NPHP1: variants seen among roughly 807,000 people sequenced by gnomAD.
NPHP1 encodes the protein nephrocystin-1.
NPHP1 carries 70 observed loss-of-function variants against 90.4 expected under a neutral mutation model. That is an observed-to-expected ratio of 0.77 (90% CI 0.64 to 0.95). The LOEUF (loss-of-function observed/expected upper bound fraction) is 0.95, where lower values mean the gene tolerates loss of function less well. NPHP1 is among the 40% of genes least tolerant of loss of function. NPHP1 has a pLI of 0.00. For synonymous variants in NPHP1, 256 were observed against 271.7 expected (o/e 0.94, Z 0.57); for missense variants, 764 against 795.9 (o/e 0.96, Z 0.48).
At chr2:110,181,340 G>C (rs1683892669) in intron 2 of NPHP1, among the ~76,000 whole-genome samples, 1 of 152,120 alleles carries the variant, frequency 6.6e-6, no homozygotes, top group South Asian at 2.1e-4. Context: ...GACTGGGTGA[G>C]ACCTCCCAAA....
chr2:110,128,975 C>T, intron 18 of NPHP1: 1 of 599,274 alleles, frequency 1.7e-6, no homozygotes. Flanking sequence ...ACATAGCAGG[C>T]ACTCCACCTG....
At chr2:110,176,871 T>C (rs13416417) in intron 4 of NPHP1, among the ~76,000 whole-genome samples, 1 of 152,170 alleles carries the variant, frequency 6.6e-6, no homozygotes, top group African/African-American at 2.4e-5. Context: ...TCCCAGCAGG[T>C]ACTTTCTGCC....
At chr2:110,204,620 G>C (rs958090919) in intron 1 of NPHP1, among the ~76,000 whole-genome samples, 1 of 152,074 alleles carries the variant, frequency 6.6e-6, no homozygotes, top group African/African-American at 2.4e-5. Flanking sequence ...AGGTTGAGAC[G>C]TTAGGTGGGA....
Position 110,141,694 on chromosome 2 carries a change from C to T in NPHP1, c.1529+1848G>A, listed in dbSNP as rs192308538. Among the ~76,000 whole-genome samples the T allele has an allele frequency of 1.3e-3, 195 of 152,090 alleles. 1 individual carries two copies. The highest frequency in any genetic ancestry group is 3.5e-3 in the African/African-American group (144 of 41,522). Reference sequence around the variant, plus strand: ...CATTTTGAAAACAGTTTGGTAGGGCCGGATGCGGTGGCTCAAGCCTGTAAT... The same window carrying T: ...CATTTTGAAAACAGTTTGGTAGGGCTGGATGCGGTGGCTCAAGCCTGTAAT... On this transcript the variant is annotated intron_variant, in intron 16 of 19. Coordinates refer to ENST00000445609, the MANE Select transcript of NPHP1 (RefSeq NM_001128178.3).
chr2:110,172,682 C>T (rs562880232), intron 4 of NPHP1, among the ~76,000 whole-genome samples: 20 of 152,052 alleles, frequency 1.3e-4, no homozygotes, highest in Non-Finnish European at 2.6e-4. Context: ...CTCAGGGAGG[C>T]GGAGGTGGAG....
At chr2:110,170,125 A>G in intron 4 of NPHP1, 127 bp from the exon 5 acceptor site, 3 of 1,255,548 alleles carry the variant, frequency 2.4e-6, no homozygotes, top group Admixed American at 1.7e-5. Context: ...AAATAAGGGA[A>G]AATACAAAGA....
intron 2 of NPHP1, among the ~76,000 whole-genome samples, chr2:110,181,347 C>G (rs1247217584): frequency 6.6e-6 from 1 of 152,158 alleles, no homozygotes; most frequent in Non-Finnish European, 1.5e-5. Context: ...TGAGACCTCC[C>G]AAAAGGGGTT....
intron 7 of NPHP1, 136 bp from the exon 8 acceptor site, chr2:110,164,866 GC>G (rs1682607455): frequency 5.4e-6 from 5 of 930,772 alleles, no homozygotes; most frequent in Non-Finnish European, 8.7e-6. Context: ...ACGAGGTAGA[GC>G]TAAATGTATT....
At position 110,129,224 on chromosome 2, in the gene NPHP1, T is replaced by C. The variant is rs777183268; in HGVS notation, c.1678A>G (p.Met560Val). ...ATCACATCAGGCTGCTCCAAGAGCA[T>C]GGGGAAGGTGGCCAGCATGGGATGG... Reference protein sequence around the residue: ...ISHPMLATFPMLLEQPDVMDA... With the variant: ...ISHPMLATFPVLLEQPDVMDA... Residue 560 changes from methionine (M) to valine (V), a missense_variant, in exon 18 of 20, where the codon ATG (methionine) becomes GTG (valine). By Grantham distance (21) the Met-to-Val change is conservative. Transcript: ENST00000445609. The C allele has an allele frequency of 1.2e-6, 2 of 1,613,710 alleles. No individual in the cohort carries two copies. Among genetic ancestry groups the C allele is most frequent in the East Asian group, 2.2e-5 (1 of 44,882 alleles).
At chr2:110,139,204 TACAC>T (rs35627203) in intron 16 of NPHP1, among the ~76,000 whole-genome samples, 47,235 of 148,492 alleles carry the variant, frequency 0.32, 7,826 homozygotes, top group East Asian at 0.56. Context: ...ATAGCAAATT[TACAC>T]ACACACACAC....
intron 4 of NPHP1, among the ~76,000 whole-genome samples, chr2:110,172,945 C>CTTTTCT (rs1037063157): frequency 6.7e-6 from 1 of 148,242 alleles, no homozygotes; most frequent in Non-Finnish European, 1.5e-5. Flanking sequence ...GTAGTAATTT[C>CTTTTCT]TTTTCTTTTT....
intron 8 of NPHP1, 148 bp downstream of exon 8, chr2:110,164,540 C>T (rs753796140): frequency 1.3e-6 from 2 of 1,555,106 alleles, no homozygotes; most frequent in African/African-American, 2.7e-5. Context: ...GGCTTAGAAA[C>T]CAGAAATATA....
At chr2:110,141,137 A>C (rs1179885931) in intron 16 of NPHP1, among the ~76,000 whole-genome samples, 3 of 152,132 alleles carry the variant, frequency 2.0e-5, no homozygotes, top group Non-Finnish European at 4.4e-5. Context: ...GCATCTTCCC[A>C]ATCCTTCAAA....
intron 2 of NPHP1, among the ~76,000 whole-genome samples, chr2:110,183,694 A>G (rs1684074114): frequency 6.6e-6 from 1 of 152,136 alleles, no homozygotes; most frequent in Non-Finnish European, 1.5e-5. Context: ...GGACTCCCAT[A>G]CAATAATAGT....
chr2:110,204,861 G>A (rs767343103), intron 1 of NPHP1, 39 bp downstream of exon 1: 2 of 1,607,094 alleles, frequency 1.2e-6, no homozygotes, highest in South Asian at 2.2e-5. Context: ...GCGTCCGCCT[G>A]TCGCCCGCCC....
At chr2:110,152,366 A>C (rs1681540611) in intron 11 of NPHP1, among the ~76,000 whole-genome samples, 1 of 151,948 alleles carries the variant, frequency 6.6e-6, no homozygotes, top group Non-Finnish European at 1.5e-5. Flanking sequence ...TCCACATATG[A>C]AGCAATGAAG....
intron 8 of NPHP1, chr2:110,164,396 A>G (rs1281274850): frequency 5.7e-6 from 4 of 699,462 alleles, no homozygotes; most frequent in Non-Finnish European, 1.0e-5. Flanking sequence ...AAAATTTAAC[A>G]TCTGTTTCCA....
intron 2 of NPHP1, among the ~76,000 whole-genome samples, chr2:110,191,385 A>G (rs1684721637): frequency 6.6e-6 from 1 of 152,192 alleles, no homozygotes; most frequent in Non-Finnish European, 1.5e-5. Flanking sequence ...CATGGCTCAG[A>G]GGGTCCTACG....
rs990050723 is a variant in NPHP1 at position 110,148,046 on chromosome 2, A to G, written c.1159-20T>C. ...AGTAACCTGAAATGATAAAGAAATT[A>G]AAGTTATTGATAAAAATAAAAAATG... is the stretch of plus-strand genomic sequence containing the variant. On this transcript the variant is annotated intron_variant, in intron 12 of 19. Coordinates refer to ENST00000445609, the MANE Select transcript of NPHP1 (RefSeq NM_001128178.3). 6.8e-7 allele frequency: 1 copy of G among 1,462,950 alleles called. No homozygotes were observed. The highest frequency in any genetic ancestry group is 1.4e-5 in the African/African-American group (1 of 72,028). The allele number at this position is 1,462,950 out of a possible 1,614,324, so 90.6% of individuals were successfully genotyped here. A position where few individuals can be genotyped will look rare whatever the true frequency, so the allele number is the denominator to read the frequency against.
Sources: gnomAD v4.1 joint callset for allele counts (sites outside exome capture counted in the v4.1 genomes callset) on GRCh38, gnomAD v4.1.1 for gene constraint, MANE v1.5 for transcripts, NCBI Gene and HGNC (gene_info 2026-07-23, HGNC 2026-07-21) for gene names.